Variants in PTBP1 observed in about 807,000 individuals in gnomAD.
PTBP1 encodes polypyrimidine tract binding protein 1, also known as polypyrimidine tract-binding protein 1.
In PTBP1, 8 loss-of-function variants were observed where a neutral mutation model predicts 59.8. That is an observed-to-expected ratio of 0.13 (90% CI 0.08 to 0.24). PTBP1 has a LOEUF of 0.24. Among genes scored for constraint, PTBP1 ranks in the 10% least tolerant of loss-of-function variants. The pLI, the probability that PTBP1 is intolerant of heterozygous loss-of-function variation, is 1.00. For missense variants in PTBP1, 686 were observed against 767.0 expected, an observed-to-expected ratio of 0.89 and a Z score of 1.25; for synonymous variants, 490 against 320.7, an observed-to-expected ratio of 1.53 and a Z score of -5.64.
chr19:809,650 G>T (rs182599013), intron 13 of PTBP1, among the ~76,000 whole-genome samples: 9 of 152,288 alleles, frequency 5.9e-5, no homozygotes, highest in African/African-American at 1.4e-4. Flanking sequence ...CCAGTACTGT[G>T]GGGGGCCGGG....
Position 808,309 on chromosome 19 carries a change from T to G in PTBP1, c.1154-51T>G. On this transcript the variant is annotated intron_variant, in intron 11 of 14. Coordinates refer to ENST00000356948, the MANE Select transcript of PTBP1 (RefSeq NM_002819.5). The surrounding 1 kb of genome is among the most constrained non-coding windows in gnomAD (Gnocchi z 4.7). ...CGCGGGGCCGGGGCTGACGGGGAGATGGGCGGGGCAGGCAGCAGGAGACTC... is the reference window on the plus strand; with the variant it reads ...CGCGGGGCCGGGGCTGACGGGGAGAGGGGCGGGGCAGGCAGCAGGAGACTC... 2.1e-6 allele frequency: 3 copies of G among 1,447,632 alleles called. No individual in the cohort carries two copies. The highest frequency in any genetic ancestry group is 2.8e-6 in the Non-Finnish European group (3 of 1,053,084). The allele number at this position is 1,447,632 out of a possible 1,614,324, so 89.7% of individuals were successfully genotyped here.
rs759489086 is a variant in PTBP1 at position 804,584 on chromosome 19, C to G, written c.488C>G (p.Ala163Gly). 3 of 1,611,042 alleles carry G rather than the reference C, an allele frequency of 1.9e-6. No homozygotes were observed. The South Asian group carries it at 3.3e-5, about 18-fold the overall frequency. ...AVNSVQSGNLALAASAAAVDA... is the reference protein window; with the variant it reads ...AVNSVQSGNLGLAASAAAVDA... ...AACTCGGTCCAGTCGGGGAACCTGGCCTTGGCTGCCTCGGCGGCGGCCGTG... is the reference window on the plus strand; with the variant it reads ...AACTCGGTCCAGTCGGGGAACCTGGGCTTGGCTGCCTCGGCGGCGGCCGTG... Residue 163 changes from alanine (A) to glycine (G), a missense_variant, in exon 6 of 15, where the codon GCC becomes GGC. Coordinates refer to ENST00000356948, the MANE Select transcript of PTBP1 (RefSeq NM_002819.5).
intron 2 of PTBP1, among the ~76,000 whole-genome samples, chr19:799,922 T>G (rs2034257463): frequency 6.6e-6 from 1 of 151,216 alleles, no homozygotes; most frequent in African/African-American, 2.5e-5. Flanking sequence ...AGTTTTTTTG[T>G]TTTTGTTTTT....
intron 1 of PTBP1, among the ~76,000 whole-genome samples, chr19:799,046 A>C (rs953991674): frequency 1.3e-5 from 2 of 152,056 alleles, no homozygotes; most frequent in South Asian, 2.1e-4. Flanking sequence ...GGCGTTTCCA[A>C]CTTACTGGAA....
At chr19:806,374 G>T (rs1164545630) in intron 9 of PTBP1, 34 bp from the exon 10 acceptor site, 3 of 1,573,928 alleles carry the variant, frequency 1.9e-6, no homozygotes, top group Non-Finnish European at 2.6e-6. Flanking sequence ...GGAGTCGGGG[G>T]CGCCGCCGCT....
chr19:807,951 G>A (rs748159973), intron 11 of PTBP1, 49 bp downstream of exon 11: 4 of 1,512,872 alleles, frequency 2.6e-6, no homozygotes, highest in Non-Finnish European at 3.7e-6. Context: ...TAATTGAGAT[G>A]ATTTTGATGC....
At chr19:798,473 C>T (rs1347155537) in intron 1 of PTBP1, 4 of 152,314 alleles carry the variant, frequency 2.6e-5, no homozygotes, top group African/African-American at 4.8e-5. Flanking sequence ...TAAACGTGGT[C>T]CGTGCAGTCT....
Position 805,544 on chromosome 19 carries a change from C to T in PTBP1, c.945C>T (p.Pro315=). 1 of 1,613,870 alleles carries T rather than the reference C, an allele frequency of 6.2e-7. No homozygotes were observed. Among genetic ancestry groups the T allele is most frequent in the Non-Finnish European group, 8.5e-7 (1 of 1,179,734 alleles). ...CGTATGCAGGAGCTGGTTTCCCTCC[C>T]ACCTTTGCCATTCCTCAAGCTGCAG... ...ASPYAGAGFP[P]TFAIPQAAGL... The change falls in exon 9 of 15, where the codon CCC becomes CCT. Residue 315 remains proline (P), a synonymous_variant. Coordinates refer to ENST00000356948, the MANE Select transcript of PTBP1 (RefSeq NM_002819.5).
intron 13 of PTBP1, among the ~76,000 whole-genome samples, chr19:810,002 A>G (rs1429419935): frequency 1.3e-5 from 2 of 152,198 alleles, no homozygotes; most frequent in African/African-American, 4.8e-5. Flanking sequence ...TACTTGTGAA[A>G]TGTTATCAGA....
chr19:804,956 G>A lies in PTBP1; in HGVS notation c.717+17G>A, dbSNP rs2034494633. The stretch of plus-strand genomic sequence containing the variant: ...GCCAAGCTGGTGAGTGGGGCTCCCG[G>A]GACGGCGCCCGCCCTGGCCCTGGCC... On this transcript the variant is annotated intron_variant, in intron 7 of 14. Transcript: ENST00000356948. 6.2e-7 allele frequency: 1 copy of A among 1,612,574 alleles called. No individual in the cohort carries two copies. Among genetic ancestry groups the A allele is most frequent in the South Asian group, 1.1e-5 (1 of 91,024 alleles).
chr19:811,103 TGTCGGGCGTGGGGCCTGC>T lies in PTBP1; in HGVS notation c.*278_*295del, dbSNP rs1555700475. 5 of 339,080 alleles carry T rather than the reference TGTCGGGCGTGGGGCCTGC, an allele frequency of 1.5e-5. No homozygotes were observed. In the East Asian group the frequency reaches 1.6e-4, roughly 11 times the overall value. 21.0% of individuals were successfully genotyped at this position (339,080 alleles called of 1,614,324 possible). ...CGGGGCCATGCCTTGGTGGGGCCTGTGTCGGGCGTGGGGCCTGCAGGTGGGCGCCCCGACCACGACTTG... is the reference window on the plus strand; with the variant it reads ...CGGGGCCATGCCTTGGTGGGGCCTGTAGGTGGGCGCCCCGACCACGACTTG... On this transcript the variant is annotated 3_prime_UTR_variant, in exon 15 of 15. Coordinates refer to ENST00000356948, the MANE Select transcript of PTBP1 (RefSeq NM_002819.5).
chr19:806,602 A>C, intron 10 of PTBP1, 46 bp downstream of exon 10: 1 of 1,455,866 alleles, frequency 6.9e-7, no homozygotes, highest in Non-Finnish European at 9.1e-7. Context: ...CGGAAGAGCG[A>C]GCAGGGGATG....
chr19:806,105 G>A, intron 9 of PTBP1: 1 of 329,082 alleles, frequency 3.0e-6, no homozygotes, highest in Non-Finnish European at 5.5e-6. Context: ...GGCCCTGCTT[G>A]CCGAGGGCCC....
intron 7 of PTBP1, 22 bp downstream of exon 7, chr19:804,961 G>A (rs765171167): frequency 5.6e-6 from 9 of 1,612,600 alleles, no homozygotes; most frequent in Middle Eastern, 1.7e-4. Flanking sequence ...TCCCGGGACG[G>A]CGCCCGCCCT....
intron 2 of PTBP1, among the ~76,000 whole-genome samples, chr19:803,147 G>T (rs368453018): frequency 1.2e-3 from 178 of 152,304 alleles, no homozygotes; most frequent in South Asian, 2.1e-3. Flanking sequence ...CTGCTGGGGG[G>T]GCTGGCTCCA....
At chr19:799,113 G>A (rs1304130832) in intron 1 of PTBP1, among the ~76,000 whole-genome samples, 2 of 152,236 alleles carry the variant, frequency 1.3e-5, no homozygotes, top group East Asian at 1.9e-4. Flanking sequence ...CGGGGCTTCC[G>A]ATGGGGGTGT....
At chr19:803,444 G>T in intron 2 of PTBP1, 117 bp from the exon 3 acceptor site, 1 of 799,144 alleles carries the variant, frequency 1.3e-6, no homozygotes, top group Non-Finnish European at 2.1e-6. Context: ...GTGGGTGTGG[G>T]TATGGGTTGG....
rs2034843308 is a variant in PTBP1, at chr19:811,090, TTGG to T, written c.*268_*270del. On this transcript the variant is annotated 3_prime_UTR_variant, in exon 15 of 15. Coordinates refer to ENST00000356948, the MANE Select transcript of PTBP1 (RefSeq NM_002819.5). ...GGGGCCAGACCCTCGGGGCCATGCCTTGGTGGGGCCTGTGTCGGGCGTGGGGCC... is the reference window on the plus strand; with the variant it reads ...GGGGCCAGACCCTCGGGGCCATGCCTTGGGGCCTGTGTCGGGCGTGGGGCC... 8.0e-6 allele frequency: 3 copies of T among 376,368 alleles called. No individual in the cohort carries two copies. Among genetic ancestry groups the T allele is most frequent in the Non-Finnish European group, 1.4e-5 (3 of 212,160 alleles). 23.3% of individuals were successfully genotyped at this position (376,368 alleles called of 1,614,324 possible).
At chr19:805,993 C>CGGCCAGCA in intron 9 of PTBP1, 1 of 256,534 alleles carries the variant, frequency 3.9e-6, no homozygotes, top group Admixed American at 5.2e-5. Context: ...GACCGGGGCC[C>CGGCCAGCA]GGCCGCCCCA....
Sources: gnomAD v4.1 joint callset for allele counts (sites outside exome capture counted in the v4.1 genomes callset) on GRCh38, gnomAD v4.1.1 for gene constraint, Gnocchi (gnomAD v3.1) non-coding constraint, MANE v1.5 for transcripts, NCBI Gene and HGNC (gene_info 2026-07-23, HGNC 2026-07-21) for gene names.